SPOCK3: variants seen among roughly 807,000 people sequenced by gnomAD.
SPOCK3 encodes the protein testican-3.
Under a neutral mutation model 56.6 loss-of-function variants are expected in SPOCK3, and 30 were observed. That is an observed-to-expected ratio of 0.53 (90% CI 0.40 to 0.72). SPOCK3 has a LOEUF of 0.72. Ranked by LOEUF, SPOCK3 falls within the 30% of genes least tolerant of loss-of-function variation. The pLI, the probability that SPOCK3 is intolerant of heterozygous loss-of-function variation, is 0.00. For synonymous variants in SPOCK3, 196 were observed against 183.3 expected, an observed-to-expected ratio of 1.07 and a Z score of -0.56; for missense variants, 527 against 530.0, an observed-to-expected ratio of 0.99 and a Z score of 0.06.
intron 4 of SPOCK3, among the ~76,000 whole-genome samples, chr4:166,915,487 G>A (rs569795691): frequency 2.0e-5 from 3 of 152,118 alleles, no homozygotes; most frequent in Admixed American, 1.3e-4. Context: ...CTTAATACCT[G>A]TGTATGATAT....
intron 6 of SPOCK3, among the ~76,000 whole-genome samples, chr4:166,828,593 T>A (rs1745717002): frequency 6.6e-6 from 1 of 152,040 alleles, no homozygotes; most frequent in African/African-American, 2.4e-5. Context: ...TATATTATCA[T>A]AGAGTTTAAC....
chr4:166,881,720 C>T (rs1235937591), intron 6 of SPOCK3, among the ~76,000 whole-genome samples: 2 of 152,030 alleles, frequency 1.3e-5, no homozygotes, highest in Non-Finnish European at 2.9e-5. Flanking sequence ...CTTTTTTAAG[C>T]TGCTAAGTTA....
intron 6 of SPOCK3, among the ~76,000 whole-genome samples, chr4:166,871,979 C>T (rs1199957405): frequency 1.3e-5 from 2 of 151,348 alleles, no homozygotes; most frequent in African/African-American, 4.8e-5. Flanking sequence ...TTAATACCCA[C>T]TCTTGACAAA....
At chr4:167,077,978 A>G (rs1757350259) in intron 2 of SPOCK3, among the ~76,000 whole-genome samples, 1 of 151,916 alleles carries the variant, frequency 6.6e-6, no homozygotes, top group South Asian at 2.1e-4. Flanking sequence ...CCACTGGAAG[A>G]TGAAAATGCA....
intron 4 of SPOCK3, among the ~76,000 whole-genome samples, chr4:166,963,231 T>A (rs1561061844): frequency 6.6e-6 from 1 of 152,040 alleles, no homozygotes; most frequent in East Asian, 1.9e-4. Flanking sequence ...CTAAAATTAG[T>A]TAAGTAAGAG....
At chr4:167,204,197 T>TGTC (rs1408161287) in intron 2 of SPOCK3, among the ~76,000 whole-genome samples, 5 of 151,980 alleles carry the variant, frequency 3.3e-5, no homozygotes, top group Admixed American at 6.6e-5. Flanking sequence ...GGAATATAGA[T>TGTC]GTCGTGGCAC....
chr4:166,960,770 G>A (rs1014007990), intron 4 of SPOCK3, among the ~76,000 whole-genome samples: 1 of 152,160 alleles, frequency 6.6e-6, no homozygotes, highest in African/African-American at 2.4e-5. Flanking sequence ...AAGAATAGCA[G>A]GAGAAAGACA....
Position 167,005,643 on chromosome 4 carries a change from C to T in SPOCK3, c.236-5180G>A, listed in dbSNP as rs907778116. 2.0e-5 allele frequency among the ~76,000 whole-genome samples: 3 copies of T among 151,892 alleles called. No homozygotes were observed. The South Asian group carries it at 6.2e-4, about 32-fold the overall frequency. The stretch of plus-strand genomic sequence containing the variant: ...TTATATACTTTGTGCAAACCCTCTA[C>T]TCTGGATGAGAAATGATTGGAAAGC... On this transcript the variant is annotated intron_variant, in intron 3 of 10. Coordinates refer to ENST00000357545, the MANE Select transcript of SPOCK3 (RefSeq NM_001040159.2).
At chr4:167,105,794 A>G (rs1251329688) in intron 2 of SPOCK3, among the ~76,000 whole-genome samples, 1 of 151,980 alleles carries the variant, frequency 6.6e-6, no homozygotes, top group African/African-American at 2.4e-5. Flanking sequence ...AAAGGGGTGA[A>G]AAAAGATATT....
chr4:167,155,329 G>T (rs1250176889), intron 2 of SPOCK3, among the ~76,000 whole-genome samples: 6 of 151,778 alleles, frequency 4.0e-5, no homozygotes, highest in Non-Finnish European at 8.8e-5. Context: ...TCTTGGACAG[G>T]CTGGTCTTGA....
intron 4 of SPOCK3, among the ~76,000 whole-genome samples, chr4:166,984,696 T>C (rs1375270200): frequency 6.6e-6 from 1 of 152,098 alleles, no homozygotes; most frequent in African/African-American, 2.4e-5. Context: ...TCCTGGACGA[T>C]GCATAAAATA....
intron 6 of SPOCK3, among the ~76,000 whole-genome samples, chr4:166,816,680 T>C (rs1016028531): frequency 2.6e-5 from 4 of 152,102 alleles, no homozygotes; most frequent in African/African-American, 7.2e-5. Context: ...AGAAATTCTA[T>C]GCAGTCTGAC....
At chr4:167,028,272 G>C (rs1469488822) in intron 3 of SPOCK3, among the ~76,000 whole-genome samples, 1 of 151,226 alleles carries the variant, frequency 6.6e-6, no homozygotes, top group Non-Finnish European at 1.5e-5. Context: ...TGCTACTTGG[G>C]AGACTGAGGC....
intron 4 of SPOCK3, among the ~76,000 whole-genome samples, chr4:166,985,354 G>A (rs1447442207): frequency 2.0e-5 from 3 of 152,006 alleles, no homozygotes; most frequent in South Asian, 2.1e-4. Context: ...AAATCTTCCA[G>A]GCCCATTATT....
chr4:166,895,463 C>T (rs1005911657), intron 5 of SPOCK3, among the ~76,000 whole-genome samples: 12 of 150,582 alleles, frequency 8.0e-5, no homozygotes, highest in East Asian at 5.9e-4. Flanking sequence ...ATGCAAGTAG[C>T]GGAAAGATTC....
At chr4:167,055,726 G>A (rs187378173) in intron 3 of SPOCK3, among the ~76,000 whole-genome samples, 3,686 of 152,286 alleles carry the variant, frequency 0.024, 78 homozygotes, top group Middle Eastern at 0.061. Context: ...AGATCAAACT[G>A]CAAGGCTGCA....
chr4:166,856,742 C>T (rs1162731710), intron 6 of SPOCK3, among the ~76,000 whole-genome samples: 1 of 152,020 alleles, frequency 6.6e-6, no homozygotes, highest in African/African-American at 2.4e-5. Context: ...CCACTGCACT[C>T]CAGCCTAGGT....
At chr4:166,899,293 T>TCTATCTAACTATCTAA (rs1553997468) in intron 5 of SPOCK3, among the ~76,000 whole-genome samples, 1 of 139,022 alleles carries the variant, frequency 7.2e-6, no homozygotes, top group Non-Finnish European at 1.6e-5. Flanking sequence ...TATCTATCTA[T>TCTATCTAACTATCTAA]CTATCTATGT....
At chr4:167,205,164 A>T (rs1490178103) in intron 2 of SPOCK3, among the ~76,000 whole-genome samples, 2 of 112,356 alleles carry the variant, frequency 1.8e-5, no homozygotes, top group African/African-American at 6.8e-5. Context: ...ATATATATAT[A>T]ATATATATTA....
Sources: gnomAD v4.1 joint callset for allele counts (sites outside exome capture counted in the v4.1 genomes callset) on GRCh38, gnomAD v4.1.1 for gene constraint, MANE v1.5 for transcripts, NCBI Gene and HGNC (gene_info 2026-07-23, HGNC 2026-07-21) for gene names.